NUDT3: variants seen among roughly 807,000 people sequenced by gnomAD.
NUDT3 encodes nudix hydrolase 3.
In NUDT3, 9 loss-of-function variants were observed where a neutral mutation model predicts 23.6. That is an observed-to-expected ratio of 0.38 (90% CI 0.23 to 0.66). NUDT3 has a LOEUF of 0.66. NUDT3 is among the 30% of genes least tolerant of loss of function. NUDT3 has a pLI of 0.52. For missense variants in NUDT3, 172 were observed against 218.5 expected (o/e 0.79, Z 1.34); for synonymous variants, 86 against 82.6 (o/e 1.04, Z -0.22).
chr6:34,351,411 T>A (rs1182032054), intron 1 of NUDT3, among the ~76,000 whole-genome samples: 1 of 141,088 alleles, frequency 7.1e-6, no homozygotes, highest in Non-Finnish European at 1.5e-5. Context: ...CTGCACTCCA[T>A]CCTAGGCAAT....
intron 1 of NUDT3, among the ~76,000 whole-genome samples, chr6:34,358,694 C>G (rs1259119970): frequency 2.0e-5 from 3 of 152,050 alleles, no homozygotes; most frequent in Non-Finnish European, 2.9e-5. Flanking sequence ...AATATGAAAC[C>G]CACGCCTCAC....
At chr6:34,312,804 T>A (rs930420323) in intron 2 of NUDT3, among the ~76,000 whole-genome samples, 1 of 152,186 alleles carries the variant, frequency 6.6e-6, no homozygotes, top group African/African-American at 2.4e-5. Context: ...ATAAATAAGG[T>A]GTGGTACATT....
intron 2 of NUDT3, among the ~76,000 whole-genome samples, chr6:34,316,217 C>T (rs905438824): frequency 1.3e-5 from 2 of 151,000 alleles, no homozygotes; most frequent in South Asian, 2.1e-4. Flanking sequence ...AAACTAAAAC[C>T]GTATCTATTT....
intron 1 of NUDT3, among the ~76,000 whole-genome samples, chr6:34,387,416 T>C (rs183448083): frequency 2.0e-5 from 3 of 152,262 alleles, no homozygotes; most frequent in Admixed American, 2.0e-4. Flanking sequence ...TGTGTGTTTG[T>C]GTCTTTGTTT....
At chr6:34,374,513 C>A (rs898551334) in intron 1 of NUDT3, among the ~76,000 whole-genome samples, 1 of 152,048 alleles carries the variant, frequency 6.6e-6, no homozygotes, top group Non-Finnish European at 1.5e-5. Flanking sequence ...GTCTTTGTGA[C>A]GCTGTTATGA....
rs981002839 is a variant in NUDT3, at chr6:34,328,072, T to C, written c.210+13790A>G. 3.3e-5 allele frequency among the ~76,000 whole-genome samples: 5 copies of C among 152,246 alleles called. No homozygotes were observed. In the East Asian group the frequency reaches 9.6e-4, roughly 29 times the overall value. On this transcript the variant is annotated intron_variant, in intron 2 of 4. Transcript: ENST00000607016. ...CATGATCATCTCTATATCTAATTTG[T>C]ATGATAACTATTCTTATTCTAACTA...
At chr6:34,302,371 G>A (rs915504944) in intron 2 of NUDT3, among the ~76,000 whole-genome samples, 1 of 152,104 alleles carries the variant, frequency 6.6e-6, no homozygotes, top group African/African-American at 2.4e-5. Flanking sequence ...GTTCTTTGCT[G>A]AGCATATTTT....
intron 4 of NUDT3, among the ~76,000 whole-genome samples, chr6:34,290,718 TGTCATAG>T (rs1255352111): frequency 6.8e-6 from 1 of 148,024 alleles, no homozygotes; most frequent in Non-Finnish European, 1.5e-5. Flanking sequence ...GGCTGCATTA[TGTCATAG>T]TATCTAGTAT....
At position 34,352,846 on chromosome 6, in the gene NUDT3, A is replaced by C. The variant is rs574762536; in HGVS notation, c.100-10874T>G. 1.4e-4 allele frequency among the ~76,000 whole-genome samples: 21 copies of C among 152,326 alleles called. 1 individual carries two copies. Among genetic ancestry groups the C allele is most frequent in the East Asian group, 3.9e-4 (2 of 5,188 alleles). On this transcript the variant is annotated intron_variant, in intron 1 of 4. Coordinates refer to ENST00000607016, the MANE Select transcript of NUDT3 (RefSeq NM_006703.4). The stretch of plus-strand genomic sequence containing the variant: ...GTCACATAAATGCAATGAAAAAATT[A>C]TCTCTCTCTAGACTTCAGCTTTTTT...
intron 1 of NUDT3, among the ~76,000 whole-genome samples, chr6:34,359,334 C>T (rs745887575): frequency 6.6e-6 from 1 of 152,158 alleles, no homozygotes; most frequent in Non-Finnish European, 1.5e-5. Flanking sequence ...GATCGTGCTA[C>T]TGCACTCCAG....
In NUDT3 at chr6:34,337,474, C is replaced by T. The variant is rs7775497; in HGVS notation, c.210+4388G>A. Among the ~76,000 whole-genome samples the T allele has an allele frequency of 5.6e-3, 860 of 152,326 alleles. 5 individuals carry two copies. The highest frequency in any genetic ancestry group is 0.017 in the Middle Eastern group (5 of 294). ...CTGTGCTGGATCTTTCACTTCCTTGCTTCAAGATTATTTTACTCCTATTTC... is the reference window on the plus strand; with the variant it reads ...CTGTGCTGGATCTTTCACTTCCTTGTTTCAAGATTATTTTACTCCTATTTC... On this transcript the variant is annotated intron_variant, in intron 2 of 4. Transcript: ENST00000607016.
intron 2 of NUDT3, among the ~76,000 whole-genome samples, chr6:34,325,507 A>G (rs946651348): frequency 1.1e-4 from 16 of 152,242 alleles, no homozygotes; most frequent in African/African-American, 3.9e-4. Flanking sequence ...CACTGCACCC[A>G]GACAAAATTA....
intron 1 of NUDT3, among the ~76,000 whole-genome samples, chr6:34,360,850 A>G (rs1258438384): frequency 2.0e-5 from 3 of 151,928 alleles, no homozygotes; most frequent in East Asian, 3.8e-4. Flanking sequence ...AAATATACAC[A>G]GGACATTTAA....
At chr6:34,299,578 C>T (rs903783336) in intron 2 of NUDT3, among the ~76,000 whole-genome samples, 3 of 151,386 alleles carry the variant, frequency 2.0e-5, no homozygotes, top group African/African-American at 7.3e-5. Flanking sequence ...GCATGTGCCA[C>T]CAAGACCGGG....
chr6:34,283,796 T>C lies in NUDT3; in HGVS notation c.*4957A>G, dbSNP rs1181978544. On this transcript the variant is annotated 3_prime_UTR_variant, in exon 5 of 5. Coordinates refer to ENST00000607016, the MANE Select transcript of NUDT3 (RefSeq NM_006703.4). The stretch of plus-strand genomic sequence containing the variant: ...CTAACCTGATGCACAGACAACAGTA[T>C]CTTTTAGGGACTGCAGCCAATGTTC... The C allele has an allele frequency of 6.6e-6, 1 of 152,184 alleles. No individual in the cohort carries two copies. Among genetic ancestry groups the C allele is most frequent in the Non-Finnish European group, 1.5e-5 (1 of 68,028 alleles). 9.4% of individuals were successfully genotyped at this position (152,184 alleles called of 1,614,324 possible).
At chr6:34,310,815 G>T (rs1487081897) in intron 2 of NUDT3, among the ~76,000 whole-genome samples, 2 of 152,026 alleles carry the variant, frequency 1.3e-5, no homozygotes, top group African/African-American at 4.8e-5. Flanking sequence ...AAAACCAAGT[G>T]GGATTTATCT....
intron 2 of NUDT3, among the ~76,000 whole-genome samples, chr6:34,335,642 A>G (rs1269893439): frequency 4.6e-5 from 7 of 151,818 alleles, no homozygotes; most frequent in African/African-American, 1.7e-4. Flanking sequence ...AAGCTTATAT[A>G]TAGCATGGGA....
chr6:34,318,136 G>A (rs996404471), intron 2 of NUDT3, among the ~76,000 whole-genome samples: 3 of 151,954 alleles, frequency 2.0e-5, no homozygotes, highest in Non-Finnish European at 4.4e-5. Flanking sequence ...AATATAGAAC[G>A]GAATTTCAGC....
intron 2 of NUDT3, among the ~76,000 whole-genome samples, chr6:34,329,224 A>C (rs1287378052): frequency 6.6e-6 from 1 of 152,224 alleles, no homozygotes; most frequent in Non-Finnish European, 1.5e-5. Flanking sequence ...ATATACATAA[A>C]AATACATATA....
Sources: gnomAD v4.1 joint callset for allele counts (sites outside exome capture counted in the v4.1 genomes callset) on GRCh38, gnomAD v4.1.1 for gene constraint, MANE v1.5 for transcripts, NCBI Gene and HGNC (gene_info 2026-07-23, HGNC 2026-07-21) for gene names.